The following ADAM12 variants were observed in gnomAD, a reference collection of about 807,000 sequenced individuals.
ADAM12 encodes the protein ADAM metallopeptidase domain 12, also known as disintegrin and metalloproteinase domain-containing protein 12.
Under a neutral mutation model 106.4 loss-of-function variants are expected in ADAM12, and 70 were observed. The observed-to-expected ratio is 0.66, with a 90% CI of 0.54 to 0.80. The LOEUF is 0.80. ADAM12 is among the 30% of genes least tolerant of loss of function. The pLI is 0.00. For missense variants in ADAM12, 1,010 were observed against 1,171.9 expected (o/e 0.86, Z 2.02); for synonymous variants, 420 against 433.5 (o/e 0.97, Z 0.39).
rs12252694 is a variant in ADAM12, at chr10:126,276,224, C to T, written c.260+2691G>A. On this transcript the variant is annotated intron_variant, in intron 3 of 22. Transcript: ENST00000448723. ...ACCAGCTTGCCTTCTGATTGGTCAG[C>T]TGTTCATCCTGATTGATCAGGCCCT... Among the ~76,000 whole-genome samples the T allele has an allele frequency of 6.9e-3, 1,057 of 152,284 alleles. 14 individuals are homozygous for T. Among genetic ancestry groups the T allele is most frequent in the African/African-American group, 0.023 (974 of 41,548 alleles).
At chr10:126,160,828 C>T (rs1956919267) in intron 3 of ADAM12, among the ~76,000 whole-genome samples, 1 of 152,254 alleles carries the variant, frequency 6.6e-6, no homozygotes, top group African/African-American at 2.4e-5. Context: ...GCTCATGCTA[C>T]TCTAGCCAAC....
chr10:126,351,943 G>A (rs1000652915), intron 1 of ADAM12, among the ~76,000 whole-genome samples: 15 of 152,002 alleles, frequency 9.9e-5, no homozygotes, highest in East Asian at 5.8e-4. Context: ...CTCCGGCCTC[G>A]TCCCCTCTGC....
At chr10:126,325,111 A>T (rs1014453170) in intron 2 of ADAM12, among the ~76,000 whole-genome samples, 1 of 152,168 alleles carries the variant, frequency 6.6e-6, no homozygotes, top group Non-Finnish European at 1.5e-5. Context: ...GAGCCAGGAA[A>T]GCTAATGAAA....
At chr10:126,042,391 G>T (rs1954197262) in intron 18 of ADAM12, 1 of 978,672 alleles carries the variant, frequency 1.0e-6, no homozygotes, top group Non-Finnish European at 1.5e-6. Context: ...GCTTCTTGGG[G>T]GACAGGCAGA....
At chr10:126,202,705 G>A (rs1957725093) in intron 3 of ADAM12, among the ~76,000 whole-genome samples, 1 of 152,118 alleles carries the variant, frequency 6.6e-6, no homozygotes, top group African/African-American at 2.4e-5. Flanking sequence ...GTACAATTTT[G>A]CCGGGGCCAA....
At chr10:126,171,099 A>G (rs1957112166) in intron 3 of ADAM12, among the ~76,000 whole-genome samples, 1 of 152,216 alleles carries the variant, frequency 6.6e-6, no homozygotes, top group Non-Finnish European at 1.5e-5. Context: ...CATTTTCCCC[A>G]GTGCCTTAAT....
chr10:126,069,806 G>A (rs1352657338), intron 12 of ADAM12, among the ~76,000 whole-genome samples: 2 of 152,148 alleles, frequency 1.3e-5, no homozygotes, highest in African/African-American at 2.4e-5. Flanking sequence ...ATATGGTGAT[G>A]ATGGTCATGA....
Position 126,066,140 on chromosome 10 carries a change from A to G in ADAM12, c.1413+577T>C, listed in dbSNP as rs954752102. On this transcript the variant is annotated intron_variant, in intron 13 of 22. Transcript: ENST00000448723. This position sits in a 1 kb window ranked among gnomAD's most constrained non-coding sequence, Gnocchi z 5.1. ...AAAGCTCAGGCTTCTACTCTCAGAT[A>G]TCAGCTCTGAATAATGAGACAATGG... 1.3e-5 allele frequency among the ~76,000 whole-genome samples: 2 copies of G among 152,216 alleles called. No individual in the cohort carries two copies. Among genetic ancestry groups the G allele is most frequent in the African/African-American group, 4.8e-5 (2 of 41,454 alleles).
chr10:126,202,473 T>TC (rs1403862819), intron 3 of ADAM12, among the ~76,000 whole-genome samples: 2 of 152,174 alleles, frequency 1.3e-5, no homozygotes, highest in Non-Finnish European at 2.9e-5. Flanking sequence ...TCCGAGGGTT[T>TC]GAAAAACCCC....
At chr10:126,291,403 G>A (rs1960143887) in intron 2 of ADAM12, among the ~76,000 whole-genome samples, 1 of 152,222 alleles carries the variant, frequency 6.6e-6, no homozygotes, top group Non-Finnish European at 1.5e-5. Flanking sequence ...GAGGCCGAAT[G>A]CAAACAAGTT....
rs1958357546 is a variant in ADAM12, at chr10:126,233,658, A to C, written c.260+45257T>G. ...GCCTGGCTCTCCATAAGCCTCAACCATCTCGTGGGAGCTTTCTGCACTCGT... is the reference window on the plus strand; with the variant it reads ...GCCTGGCTCTCCATAAGCCTCAACCCTCTCGTGGGAGCTTTCTGCACTCGT... On this transcript the variant is annotated intron_variant, in intron 3 of 22. Transcript: ENST00000448723. 2.0e-5 allele frequency among the ~76,000 whole-genome samples: 3 copies of C among 152,148 alleles called. No homozygotes were observed. In the South Asian group the frequency reaches 6.2e-4, roughly 32 times the overall value.
chr10:126,033,815 A>T (rs1490902223), intron 21 of ADAM12, among the ~76,000 whole-genome samples: 1 of 152,192 alleles, frequency 6.6e-6, no homozygotes. Context: ...GGGGAACAAC[A>T]TTTTTAAAGT....
At chr10:126,182,405 A>G (rs1417787611) in intron 3 of ADAM12, among the ~76,000 whole-genome samples, 1 of 127,482 alleles carries the variant, frequency 7.8e-6, no homozygotes, top group Non-Finnish European at 1.6e-5. Flanking sequence ...GTCCAGCAAA[A>G]CAAACAAACA....
intron 3 of ADAM12, among the ~76,000 whole-genome samples, chr10:126,208,775 A>C (rs1957843804): frequency 6.6e-6 from 1 of 152,140 alleles, no homozygotes. Context: ...TATGAAGCCC[A>C]ATGGAGTAAG....
rs1409725296 is a variant in ADAM12, at chr10:126,013,963, TG to T, written c.*3315del. The stretch of plus-strand genomic sequence containing the variant: ...GACTTTCAGCTGGGTAACTGGTGTC[TG>T]GCTGAGGCCATCTTGAGCGCAGTGA... On this transcript the variant is annotated 3_prime_UTR_variant, in exon 23 of 23. Transcript: ENST00000448723. The surrounding 1 kb of genome is among the most constrained non-coding windows in gnomAD (Gnocchi z 4.3). 1 of 152,600 alleles carries T rather than the reference TG, an allele frequency of 6.6e-6. No homozygotes were observed. Among genetic ancestry groups the T allele is most frequent in the Non-Finnish European group, 1.5e-5 (1 of 68,360 alleles). 9.5% of individuals were successfully genotyped at this position (152,600 alleles called of 1,614,324 possible). A position where few individuals can be genotyped will look rare whatever the true frequency, so the allele number is the denominator to read the frequency against.
At chr10:126,210,069 C>T (rs1458310919) in intron 3 of ADAM12, among the ~76,000 whole-genome samples, 10 of 152,218 alleles carry the variant, frequency 6.6e-5, no homozygotes, top group Non-Finnish European at 1.5e-5. Flanking sequence ...CCAGATGCAA[C>T]ACTCAACTCG....
At chr10:126,071,126 GA>G (rs759972677) in intron 12 of ADAM12, among the ~76,000 whole-genome samples, 4 of 152,206 alleles carry the variant, frequency 2.6e-5, no homozygotes, top group Non-Finnish European at 4.4e-5. Context: ...TGAAGAAAAA[GA>G]AATGGTGCTT....
rs373467946 is a variant in ADAM12 at position 126,018,202 on chromosome 10, C to A, written c.2661-863G>T. Among the ~76,000 whole-genome samples, 15 of 152,342 alleles carry A rather than the reference C, an allele frequency of 9.8e-5. No individual in the cohort carries two copies. In the East Asian group the frequency reaches 2.5e-3, roughly 25 times the overall value. On this transcript the variant is annotated intron_variant, in intron 22 of 22. Coordinates refer to ENST00000448723, the MANE Select transcript of ADAM12 (RefSeq NM_001288973.2). The stretch of plus-strand genomic sequence containing the variant: ...CCTTCAGAGATACAGGATTACTGAA[C>A]CCAGGGCCTGGCCAACACAGTACCT...
chr10:126,299,583 C>CATGA (rs750152308), intron 2 of ADAM12, among the ~76,000 whole-genome samples: 4 of 152,138 alleles, frequency 2.6e-5, no homozygotes, highest in Non-Finnish European at 5.9e-5. Context: ...AAGTCACATA[C>CATGA]ATGAATGCTC....
Sources: gnomAD v4.1 joint callset for allele counts (sites outside exome capture counted in the v4.1 genomes callset) on GRCh38, gnomAD v4.1.1 for gene constraint, Gnocchi (gnomAD v3.1) non-coding constraint, MANE v1.5 for transcripts, NCBI Gene and HGNC (gene_info 2026-07-23, HGNC 2026-07-21) for gene names.